The following MED13L variants were observed in gnomAD, a reference collection of about 807,000 sequenced individuals.
The protein encoded by MED13L is mediator complex subunit 13L, also known as mediator of RNA polymerase II transcription subunit 13-like.
Under a neutral mutation model 220.9 loss-of-function variants are expected in MED13L, and 7 were observed. The ratio of observed to expected loss-of-function variants is 0.03; its 90% CI spans 0.02 to 0.06. The LOEUF is 0.06. Among genes scored for constraint, MED13L ranks in the 10% least tolerant of loss-of-function variants. The pLI is 1.00. For missense variants in MED13L, 1,965 were observed against 2,760.5 expected (o/e 0.71, Z 6.46); for synonymous variants, 1,011 against 1,015.2 (o/e 1.00, Z 0.08).
chr12:116,159,579 C>T (rs1217322049), intron 2 of MED13L, among the ~76,000 whole-genome samples: 1 of 152,120 alleles, frequency 6.6e-6, no homozygotes, highest in African/African-American at 2.4e-5. Flanking sequence ...TTTCAACTTA[C>T]ATTTTAATTG....
chr12:116,148,563 TTTGC>T (rs775891912), intron 2 of MED13L: 2 of 311,204 alleles, frequency 6.4e-6, no homozygotes, highest in South Asian at 3.1e-5. Context: ...TAAAAACTTC[TTTGC>T]TTGTTTTATT....
At chr12:116,217,727 G>C (rs1436716100) in intron 2 of MED13L, among the ~76,000 whole-genome samples, 1 of 152,176 alleles carries the variant, frequency 6.6e-6, no homozygotes, top group African/African-American at 2.4e-5. Flanking sequence ...GAAGAACTGA[G>C]TGACACAGTT....
chr12:116,020,875 CTTTT>C (rs199600458), intron 5 of MED13L, among the ~76,000 whole-genome samples: 3 of 151,802 alleles, frequency 2.0e-5, no homozygotes, highest in Admixed American at 6.6e-5. Context: ...AACGGAATGT[CTTTT>C]TTTTAATTTT....
intron 4 of MED13L, among the ~76,000 whole-genome samples, chr12:116,041,284 T>C (rs1027259966): frequency 6.6e-6 from 1 of 152,112 alleles, no homozygotes; most frequent in African/African-American, 2.4e-5. Context: ...TGCTTTGCAG[T>C]GGAAAGATGT....
intron 4 of MED13L, among the ~76,000 whole-genome samples, chr12:116,063,041 A>G (rs1869636650): frequency 6.6e-6 from 1 of 152,088 alleles, no homozygotes; most frequent in South Asian, 2.1e-4. Context: ...TGGAGGCTCA[A>G]CGCAGCCCAA....
chr12:116,209,200 G>A (rs989583512), intron 2 of MED13L, among the ~76,000 whole-genome samples: 6 of 152,018 alleles, frequency 3.9e-5, no homozygotes, highest in African/African-American at 1.5e-4. Context: ...TTTTTAAATT[G>A]CCAACAGTTT....
intron 2 of MED13L, among the ~76,000 whole-genome samples, chr12:116,235,280 GC>G (rs1869973339): frequency 6.6e-6 from 1 of 152,014 alleles, no homozygotes; most frequent in African/African-American, 2.4e-5. Context: ...AAGAGGAGAC[GC>G]ACTCAATGAA....
At chr12:116,113,502 A>AT (rs1874258032) in intron 2 of MED13L, among the ~76,000 whole-genome samples, 3 of 149,202 alleles carry the variant, frequency 2.0e-5, no homozygotes, top group African/African-American at 7.4e-5. Context: ...ATATATATAT[A>AT]AAATTAGCCA....
intron 2 of MED13L, chr12:116,236,870 C>A (rs1404114950): frequency 1.0e-6 from 1 of 985,068 alleles, no homozygotes; most frequent in Non-Finnish European, 1.2e-6. Flanking sequence ...AAAAATCAGG[C>A]AACACCGGAG....
rs746639822 is a variant in MED13L, at chr12:116,007,647, A to C, written c.2013-11T>G. ...GGTTGTGCTAAGAGTCTAAAAGACA[A>C]AAAAAAAAAAAAAAAAAAGAGCATT... On this transcript the variant is annotated splice_polypyrimidine_tract_variant and intron_variant, in intron 10 of 30. Transcript: ENST00000281928. 32 of 1,018,168 alleles carry C rather than the reference A, an allele frequency of 3.1e-5. No individual in the cohort carries two copies. The highest frequency in any genetic ancestry group is 2.5e-4 in the Middle Eastern group (1 of 3,968). 63.1% of individuals were successfully genotyped at this position (1,018,168 alleles called of 1,614,324 possible).
At chr12:116,239,576 T>TC (rs1870425816) in intron 1 of MED13L, among the ~76,000 whole-genome samples, 2 of 152,214 alleles carry the variant, frequency 1.3e-5, no homozygotes, top group Non-Finnish European at 2.9e-5. Flanking sequence ...AATTTAGCCA[T>TC]CCCATACCAA....
intron 2 of MED13L, among the ~76,000 whole-genome samples, chr12:116,225,549 G>A (rs753850776): frequency 4.6e-5 from 7 of 152,172 alleles, no homozygotes; most frequent in African/African-American, 1.2e-4. Context: ...CAACCTTTTC[G>A]TTATAAATAT....
chr12:116,185,031 ATGTT>A (rs1162609067), intron 2 of MED13L, among the ~76,000 whole-genome samples: 1 of 152,192 alleles, frequency 6.6e-6, no homozygotes, highest in Non-Finnish European at 1.5e-5. Context: ...GGCATCTAAA[ATGTT>A]TGTTTCATAC....
At chr12:116,161,596 A>C (rs1262899540) in intron 2 of MED13L, among the ~76,000 whole-genome samples, 1 of 152,174 alleles carries the variant, frequency 6.6e-6, no homozygotes, top group East Asian at 1.9e-4. Context: ...CGTCAAAGTG[A>C]GCCCACAAGC....
At chr12:116,024,778 G>A (rs866074655) in intron 4 of MED13L, among the ~76,000 whole-genome samples, 2 of 89,008 alleles carry the variant, frequency 2.2e-5, no homozygotes, top group Non-Finnish European at 2.2e-5. Flanking sequence ...CGGGGCGGGG[G>A]GGGGGGGGAG....
intron 3 of MED13L, among the ~76,000 whole-genome samples, chr12:116,106,760 C>T (rs1593050940): frequency 6.6e-6 from 1 of 151,196 alleles, no homozygotes; most frequent in Non-Finnish European, 1.5e-5. Flanking sequence ...GCAGGTGAAT[C>T]GCTTGAAACC....
intron 4 of MED13L, among the ~76,000 whole-genome samples, chr12:116,053,066 T>C (rs1868637627): frequency 6.6e-6 from 1 of 152,218 alleles, no homozygotes; most frequent in Non-Finnish European, 1.5e-5. Flanking sequence ...TCTGTCTTTC[T>C]GAAAGATTTA....
intron 2 of MED13L, among the ~76,000 whole-genome samples, chr12:116,183,454 T>A (rs2138232629): frequency 6.6e-6 from 1 of 152,314 alleles, no homozygotes; most frequent in African/African-American, 2.4e-5. Flanking sequence ...CATATCAAAG[T>A]AAAATGACTA....
At chr12:116,115,238 A>C (rs1394714418) in intron 2 of MED13L, among the ~76,000 whole-genome samples, 1 of 152,198 alleles carries the variant, frequency 6.6e-6, no homozygotes, top group African/African-American at 2.4e-5. Context: ...GAGTTCAAAA[A>C]TTGAGCCACA....
Sources: allele counts gnomAD v4.1 joint callset (sites outside exome capture counted in the v4.1 genomes callset), GRCh38; gene constraint gnomAD v4.1.1; transcripts MANE v1.5; gene names NCBI Gene and HGNC (gene_info 2026-07-23, HGNC 2026-07-21).